Variants in DMXL2 observed in about 807,000 individuals in gnomAD.
The protein encoded by DMXL2 is dmX-like protein 2.
Under a neutral mutation model 331.1 loss-of-function variants are expected in DMXL2, and 103 were observed. The ratio of observed to expected loss-of-function variants is 0.31; its 90% CI spans 0.27 to 0.37. The LOEUF (loss-of-function observed/expected upper bound fraction) is 0.37, where lower values mean the gene tolerates loss of function less well. Ranked by LOEUF, DMXL2 falls within the 10% of genes least tolerant of loss-of-function variation. The pLI is 1.00. For missense variants in DMXL2, 3,171 were observed against 3,642.9 expected, an observed-to-expected ratio of 0.87 and a Z score of 3.33; for synonymous variants, 1,281 against 1,252.1, an observed-to-expected ratio of 1.02 and a Z score of -0.49.
chr15:51,582,003 C>G (rs1018674475), intron 1 of DMXL2, among the ~76,000 whole-genome samples: 6 of 152,052 alleles, frequency 3.9e-5, no homozygotes, highest in Admixed American at 3.9e-4. Flanking sequence ...AAACTCCCAC[C>G]GCTCCCTGGG....
chr15:51,519,640 T>TTG (rs961092934), intron 13 of DMXL2, among the ~76,000 whole-genome samples: 2 of 143,830 alleles, frequency 1.4e-5, no homozygotes, highest in African/African-American at 5.1e-5. Flanking sequence ...TCTCTTGTTT[T>TTG]TTTTTTTTTT....
intron 32 of DMXL2, 45 bp downstream of exon 32, chr15:51,464,630 A>G: frequency 6.4e-7 from 1 of 1,553,086 alleles, no homozygotes; most frequent in Non-Finnish European, 8.8e-7. Context: ...GTCTTCCAGA[A>G]AAGTTAAGCT....
chr15:51,572,110 A>G (rs1014977125), intron 2 of DMXL2, among the ~76,000 whole-genome samples: 11 of 152,038 alleles, frequency 7.2e-5, no homozygotes, highest in Non-Finnish European at 1.5e-4. Context: ...GATATCACCA[A>G]TGATCCCACA....
chr15:51,494,424 G>T (rs189147360), intron 19 of DMXL2, among the ~76,000 whole-genome samples: 1 of 152,068 alleles, frequency 6.6e-6, no homozygotes, highest in Non-Finnish European at 1.5e-5. Context: ...ACTGGGATTC[G>T]CACTCCCAAC....
intron 15 of DMXL2, 128 bp from the exon 16 acceptor site, chr15:51,507,381 A>G: frequency 1.2e-6 from 1 of 855,958 alleles, no homozygotes; most frequent in Non-Finnish European, 1.7e-6. Context: ...AAAGACTTTA[A>G]GGAGGAGTTT....
intron 15 of DMXL2, 50 bp from the exon 16 acceptor site, chr15:51,507,303 T>C: frequency 6.5e-7 from 1 of 1,527,274 alleles, no homozygotes; most frequent in Non-Finnish European, 8.8e-7. Context: ...TTTATGGGGT[T>C]AAAAAAACAC....
At chr15:51,486,965 C>T (rs1178049577) in intron 22 of DMXL2, among the ~76,000 whole-genome samples, 1 of 151,856 alleles carries the variant, frequency 6.6e-6, no homozygotes, top group Non-Finnish European at 1.5e-5. Flanking sequence ...AAAAAAAAAC[C>T]CAACTAATTC....
chr15:51,556,179 T>C (rs892720063), intron 6 of DMXL2, among the ~76,000 whole-genome samples: 4 of 150,744 alleles, frequency 2.7e-5, no homozygotes, highest in South Asian at 4.2e-4. Flanking sequence ...CCGTCTCTAC[T>C]AAAAATACAA....
intron 1 of DMXL2, among the ~76,000 whole-genome samples, chr15:51,617,240 GA>G (rs1258054192): frequency 6.6e-6 from 1 of 152,116 alleles, no homozygotes; most frequent in Admixed American, 6.5e-5. Context: ...CCTAAGAACA[GA>G]AACTAAAATA....
intron 1 of DMXL2, among the ~76,000 whole-genome samples, chr15:51,589,242 G>A (rs1165288803): frequency 6.6e-6 from 1 of 152,172 alleles, no homozygotes; most frequent in Non-Finnish European, 1.5e-5. Context: ...AGAATCATGT[G>A]CAACTTGAAG....
chr15:51,596,315 A>T (rs949409636), intron 1 of DMXL2, among the ~76,000 whole-genome samples: 2 of 152,260 alleles, frequency 1.3e-5, no homozygotes, highest in Non-Finnish European at 2.9e-5. Flanking sequence ...AAGACACATG[A>T]AAAAATGCTC....
intron 14 of DMXL2, among the ~76,000 whole-genome samples, chr15:51,515,826 C>A (rs2140660100): frequency 6.6e-6 from 1 of 152,236 alleles, no homozygotes; most frequent in African/African-American, 2.4e-5. Context: ...AATTTAACAT[C>A]CAATCCATTA....
At chr15:51,517,016 T>C (rs1385764836) in intron 14 of DMXL2, 62 bp downstream of exon 14, 10 of 1,270,128 alleles carry the variant, frequency 7.9e-6, no homozygotes, top group Non-Finnish European at 1.1e-5. Context: ...ATATATCATA[T>C]ACATATAAAA....
chr15:51,486,545 T>A (rs192541169), intron 22 of DMXL2, among the ~76,000 whole-genome samples: 1 of 152,234 alleles, frequency 6.6e-6, no homozygotes, highest in Non-Finnish European at 1.5e-5. Flanking sequence ...ACTAGACAGA[T>A]CATTTATAAA....
chr15:51,518,729 C>T (rs1373017274), intron 13 of DMXL2, among the ~76,000 whole-genome samples: 1 of 152,118 alleles, frequency 6.6e-6, no homozygotes, highest in African/African-American at 2.4e-5. Context: ...GAGATCCCCT[C>T]ACAAGAATAG....
intron 18 of DMXL2, 93 bp downstream of exon 18, chr15:51,498,459 T>G: frequency 7.6e-7 from 1 of 1,307,368 alleles, no homozygotes; most frequent in South Asian, 1.5e-5. Context: ...AGTTTGAAAG[T>G]TGAGACTGCA....
chr15:51,549,990 C>A (rs1341843002), intron 6 of DMXL2, among the ~76,000 whole-genome samples: 1 of 151,970 alleles, frequency 6.6e-6, no homozygotes, highest in Non-Finnish European at 1.5e-5. Context: ...AAACCACAGA[C>A]CAATATCCCT....
chr15:51,521,571 C>T (rs561902078), intron 13 of DMXL2, among the ~76,000 whole-genome samples: 1 of 151,904 alleles, frequency 6.6e-6, no homozygotes, highest in African/African-American at 2.4e-5. Flanking sequence ...TCAACAAAGC[C>T]TGGTATACTA....
intron 6 of DMXL2, among the ~76,000 whole-genome samples, chr15:51,549,741 A>C (rs975897665): frequency 6.6e-6 from 1 of 152,116 alleles, no homozygotes; most frequent in African/African-American, 2.4e-5. Flanking sequence ...TATGCTTGTC[A>C]GCCATTTGTA....
Sources: gnomAD v4.1 joint callset for allele counts (sites outside exome capture counted in the v4.1 genomes callset) on GRCh38, gnomAD v4.1.1 for gene constraint, MANE v1.5 for transcripts, NCBI Gene and HGNC (gene_info 2026-07-23, HGNC 2026-07-21) for gene names.